KIF11: variants seen among roughly 807,000 people sequenced by gnomAD.
KIF11 encodes the protein kinesin family member 11.
In KIF11, 9 loss-of-function variants were observed where a neutral mutation model predicts 121.0. The ratio of observed to expected loss-of-function variants is 0.07; its 90% CI spans 0.04 to 0.13. The LOEUF (loss-of-function observed/expected upper bound fraction) is 0.13. Among genes scored for constraint, KIF11 ranks in the 10% least tolerant of loss-of-function variants. The probability of loss-of-function intolerance (pLI) is 1.00; values close to 1 mark genes in which losing one functional copy is unlikely to be tolerated. For synonymous variants in KIF11, 408 were observed against 421.0 expected, an observed-to-expected ratio of 0.97 and a Z score of 0.38; for missense variants, 846 against 1,217.5, an observed-to-expected ratio of 0.69 and a Z score of 4.54.
chr10:92,641,280 C>T (rs1047643112), intron 17 of KIF11, among the ~76,000 whole-genome samples: 2 of 152,118 alleles, frequency 1.3e-5, no homozygotes, highest in Admixed American at 6.5e-5. Flanking sequence ...TATATTTACC[C>T]TATTTTTCCC....
chr10:92,608,641 G>T (rs1844457497), intron 4 of KIF11, among the ~76,000 whole-genome samples: 2 of 152,168 alleles, frequency 1.3e-5, no homozygotes, highest in Admixed American at 6.5e-5. Context: ...GTTTCACCGT[G>T]TTGGCCGGGA....
chr10:92,632,084 G>T (rs1482702805), intron 12 of KIF11, among the ~76,000 whole-genome samples: 1 of 148,182 alleles, frequency 6.7e-6, no homozygotes, highest in Non-Finnish European at 1.5e-5. Flanking sequence ...TGTGTAGATG[G>T]CTACAGGAAG....
intron 10 of KIF11, among the ~76,000 whole-genome samples, chr10:92,627,678 G>C (rs1218156578): frequency 6.6e-6 from 1 of 152,082 alleles, no homozygotes; most frequent in East Asian, 1.9e-4. Context: ...AATTAAGATG[G>C]ATTAGAAGCT....
Position 92,593,243 on chromosome 10 carries a change from C to T in KIF11, c.-133C>T, listed in dbSNP as rs1783627341. On this transcript the variant is annotated 5_prime_UTR_variant, in exon 1 of 22. Transcript: ENST00000260731. ...GAGAGCGGGGACGCCGACCTGCGTG[C>T]GTCGGTCCTCCAGGCCACGCCAGCG... 3 of 776,088 alleles carry T rather than the reference C, an allele frequency of 3.9e-6. No homozygotes were observed. The highest frequency in any genetic ancestry group is 5.9e-5 in the Admixed American group (2 of 33,864). 48.1% of individuals were successfully genotyped at this position (776,088 alleles called of 1,614,324 possible). A position where few individuals can be genotyped will look rare whatever the true frequency, so the allele number is the denominator to read the frequency against.
chr10:92,637,839 A>G (rs1221708081), intron 16 of KIF11, among the ~76,000 whole-genome samples: 1 of 152,246 alleles, frequency 6.6e-6, no homozygotes, highest in African/African-American at 2.4e-5. Context: ...TTTAGAGAAG[A>G]ATGGTTATAA....
rs368488498 is a variant in KIF11 at position 92,613,624 on chromosome 10, G to A, written c.1032+5G>A. ...CCTGCATCTCTCAATCTTGAGGTAA[G>A]CCCTTTGAAAGGAAGCTGCAAGTGT... is the stretch of plus-strand genomic sequence containing the variant. On this transcript the variant is annotated splice_donor_5th_base_variant and intron_variant, in intron 8 of 21. Coordinates refer to ENST00000260731, the MANE Select transcript of KIF11 (RefSeq NM_004523.4). This position sits in a 1 kb window ranked among gnomAD's most constrained non-coding sequence, Gnocchi z 4.2. 3 of 1,602,528 alleles carry A rather than the reference G, an allele frequency of 1.9e-6. No individual in the cohort carries two copies. In the African/African-American group the frequency reaches 4.0e-5, roughly 22 times the overall value.
Position 92,593,365 on chromosome 10 carries a change from C to G in KIF11, c.-11C>G. The stretch of plus-strand genomic sequence containing the variant: ...CCGCGGCCGGGCCTTGATTTTTTGG[C>G]GGGGACCGTCATGGCGTCGCAGCCA... On this transcript the variant is annotated 5_prime_UTR_variant, in exon 1 of 22. Coordinates refer to ENST00000260731, the MANE Select transcript of KIF11 (RefSeq NM_004523.4). The G allele has an allele frequency of 6.2e-7, 1 of 1,602,792 alleles. No individual in the cohort carries two copies. The highest frequency in any genetic ancestry group is 8.5e-7 in the Non-Finnish European group (1 of 1,175,408).
Position 92,613,849 on chromosome 10 carries a change from A to C in KIF11, c.1032+230A>C, listed in dbSNP as rs969226818. 5.9e-5 allele frequency among the ~76,000 whole-genome samples: 9 copies of C among 151,870 alleles called. No individual in the cohort carries two copies. Among genetic ancestry groups the C allele is most frequent in the Non-Finnish European group, 1.3e-4 (9 of 67,968 alleles). On this transcript the variant is annotated intron_variant, in intron 8 of 21. Transcript: ENST00000260731. The surrounding 1 kb of genome is among the most constrained non-coding windows in gnomAD (Gnocchi z 4.2). ...AAATTAGCTGGGTTTGGTGGTGTAC[A>C]ACTGTGGTCCCAGCTACTTGGGGGG...
intron 20 of KIF11, 92 bp from the exon 21 acceptor site, chr10:92,650,309 C>T: frequency 1.4e-6 from 1 of 729,642 alleles, no homozygotes; most frequent in South Asian, 1.6e-5. Flanking sequence ...TATATTATAC[C>T]ATGGGCATTG....
intron 13 of KIF11, among the ~76,000 whole-genome samples, chr10:92,632,958 T>C (rs1323463325): frequency 6.6e-6 from 1 of 152,136 alleles, no homozygotes; most frequent in African/African-American, 2.4e-5. Context: ...GAAGTCCTCT[T>C]TTTCCCTGAC....
intron 10 of KIF11, among the ~76,000 whole-genome samples, chr10:92,624,740 G>A (rs1218630741): frequency 6.7e-6 from 1 of 148,214 alleles, no homozygotes; most frequent in African/African-American, 2.5e-5. Context: ...TAATGGGATT[G>A]CTGGCTCAAA....
At position 92,608,151 on chromosome 10, in the gene KIF11, A is replaced by T. The variant is rs563480123; in HGVS notation, c.388-869A>T. On this transcript the variant is annotated intron_variant, in intron 4 of 21. Transcript: ENST00000260731. ...TTTTTTAATTTTTTTTTTTTTTTTT[A>T]AATTTTAAAGTGATGGGGTCCCACT... 3.9e-3 allele frequency among the ~76,000 whole-genome samples: 555 copies of T among 143,658 alleles called. 4 individuals are homozygous for T. The highest frequency in any genetic ancestry group is 0.015 in the South Asian group (68 of 4,578). The allele number at this position is 143,658 out of a possible 152,430, so 94.2% of individuals were successfully genotyped here. A position where few individuals can be genotyped will look rare whatever the true frequency, so the allele number is the denominator to read the frequency against.
At chr10:92,619,262 C>T (rs1844593967) in intron 9 of KIF11, among the ~76,000 whole-genome samples, 1 of 152,134 alleles carries the variant, frequency 6.6e-6, no homozygotes, top group Non-Finnish European at 1.5e-5. Flanking sequence ...TGTGATCCAC[C>T]CACCTTGGCC....
intron 10 of KIF11, among the ~76,000 whole-genome samples, chr10:92,626,892 T>TA (rs1844683337): frequency 6.6e-6 from 1 of 152,092 alleles, no homozygotes; most frequent in African/African-American, 2.4e-5. Context: ...CCTGAGTAGC[T>TA]GGGACTACAG....
At chr10:92,637,120 T>C in intron 14 of KIF11, 64 bp from the exon 15 acceptor site, 1 of 1,269,620 alleles carries the variant, frequency 7.9e-7, no homozygotes, top group East Asian at 2.6e-5. Flanking sequence ...AGATATCATT[T>C]AGAAAGGTTT....
At chr10:92,627,874 T>C (rs1015549961) in intron 10 of KIF11, among the ~76,000 whole-genome samples, 4 of 152,208 alleles carry the variant, frequency 2.6e-5, no homozygotes, top group African/African-American at 9.6e-5. Context: ...GCTGCTGCTA[T>C]TTTTTGATTA....
Position 92,648,428 on chromosome 10 carries a change from C to T in KIF11, c.2764C>T (p.Pro922Ser). 6.4e-7 allele frequency: 1 copy of T among 1,568,632 alleles called. No individual in the cohort carries two copies. ...FLEQDLKLDI[P>S]TGTTPQRKSY... ...GGAACAGGATCTGAAACTGGATATC[C>T]CAACAGGTACTTTAAAAGAGAAATA... The change falls in exon 19 of 22, where the codon CCA (proline) becomes TCA (serine). Residue 922 changes from proline to serine, a missense_variant. By Grantham distance (74) the Pro-to-Ser change is moderately conservative. Coordinates refer to ENST00000260731, the MANE Select transcript of KIF11 (RefSeq NM_004523.4).
intron 8 of KIF11, among the ~76,000 whole-genome samples, chr10:92,614,344 G>A (rs951323494): frequency 6.6e-6 from 1 of 152,042 alleles, no homozygotes; most frequent in East Asian, 1.9e-4. Flanking sequence ...TGAGCCGCCC[G>A]CCTTTGTCTC....
In KIF11 at chr10:92,645,549, A is replaced by T. The variant is rs1409607906; in HGVS notation, c.2454A>T (p.Arg818Ser). 1 of 1,613,516 alleles carries T rather than the reference A, an allele frequency of 6.2e-7. No individual in the cohort carries two copies. The highest frequency in any genetic ancestry group is 2.2e-5 in the East Asian group (1 of 44,854). ...AAATATCTCAAGAGACTGAACAGAG[A>T]TGTGAATCTCTGAACACAAGAACAG... is the stretch of plus-strand genomic sequence containing the variant. ...LEKISQETEQ[R>S]CESLNTRTVY... Residue 818 changes from arginine (R) to serine (S), a missense_variant, in exon 18 of 22, where the codon AGA becomes AGT. By Grantham distance (110) the Arg-to-Ser change is moderately radical. Coordinates refer to ENST00000260731, the MANE Select transcript of KIF11 (RefSeq NM_004523.4).
Sources: allele counts gnomAD v4.1 joint callset (sites outside exome capture counted in the v4.1 genomes callset), GRCh38; gene constraint gnomAD v4.1.1; non-coding constraint Gnocchi (gnomAD v3.1); transcripts MANE v1.5; gene names NCBI Gene and HGNC (gene_info 2026-07-23, HGNC 2026-07-21).